METTL3: variants seen among roughly 807,000 people sequenced by gnomAD.
The protein encoded by METTL3 is methyltransferase 3, N6-adenosine-methyltransferase complex catalytic subunit, also known as N(6)-adenosine-methyltransferase catalytic subunit METTL3.
Under a neutral mutation model 64.3 loss-of-function variants are expected in METTL3, and 42 were observed. That is an observed-to-expected ratio of 0.65 (90% confidence interval 0.51 to 0.84). The LOEUF is 0.84. METTL3 is among the 40% of genes least tolerant of loss of function. METTL3 has a pLI of 0.00. For missense variants in METTL3, 435 were observed against 722.3 expected, an observed-to-expected ratio of 0.60 and a Z score of 4.56; for synonymous variants, 256 against 263.6, an observed-to-expected ratio of 0.97 and a Z score of 0.28.
In METTL3 at chr14:21,501,009, C is replaced by T. The variant is rs778953417; in HGVS notation, c.1020G>A (p.Glu340=). 13 of 1,614,104 alleles carry T rather than the reference C, an allele frequency of 8.1e-6. No homozygotes were observed. Among genetic ancestry groups the T allele is most frequent in the Non-Finnish European group, 1.1e-5 (13 of 1,180,014 alleles). ...GCGTGTGGTCTTTGCTGCCAGGGGC[C>T]TCAGAATCCATGCAAGCATCAATTT... ...HYEIDACMDS[E]APGSKDHTPS... The change falls in exon 5 of 11, where the codon GAG becomes GAA. Residue 340 remains glutamate, a synonymous_variant. Coordinates refer to ENST00000298717, the MANE Select transcript of METTL3 (RefSeq NM_019852.5).
intron 5 of METTL3, 90 bp downstream of exon 5, chr14:21,500,823 C>T: frequency 7.0e-7 from 1 of 1,433,666 alleles, no homozygotes; most frequent in Admixed American, 2.1e-5. Context: ...GACAAGATTG[C>T]TGAATTATGC....
chr14:21,499,670 A>G (rs1389702692), intron 7 of METTL3, 70 bp from the exon 8 acceptor site: 30 of 1,581,370 alleles, frequency 1.9e-5, no homozygotes, highest in Non-Finnish European at 2.6e-5. Flanking sequence ...CCATTTATAG[A>G]AGCAAGGAAT....
chr14:21,511,241 G>C lies in METTL3; in HGVS notation c.-18C>G, dbSNP rs562394902. On this transcript the variant is annotated 5_prime_UTR_variant, in exon 1 of 11. Transcript: ENST00000298717. ...TCCGACATCCTAGTCTCCCAGCCCTGACACCTCTCGAATAAGGCGCGGCGG... is the reference window on the plus strand; with the variant it reads ...TCCGACATCCTAGTCTCCCAGCCCTCACACCTCTCGAATAAGGCGCGGCGG... The C allele has an allele frequency of 6.2e-7, 1 of 1,610,468 alleles. No individual in the cohort carries two copies. The highest frequency in any genetic ancestry group is 1.3e-5 in the African/African-American group (1 of 74,868).
At chr14:21,507,570 G>A (rs1891728807) in intron 1 of METTL3, 2 of 152,178 alleles carry the variant, frequency 1.3e-5, no homozygotes, top group African/African-American at 4.8e-5. Flanking sequence ...GGCTGAGGCA[G>A]GAGAATGGCG....
In METTL3 at chr14:21,511,203, A is replaced by G. The variant is rs753920277; in HGVS notation, c.21T>C (p.Ser7=). The part of the protein sequence containing the change: MSDTWS[S]IQAHKKQLDS... ...CCAGCTGCTTCTTGTGGGCCTGGAT[A>G]GAGCTCCACGTGTCCGACATCCTAG... Residue 7 remains serine, a synonymous_variant, in exon 1 of 11, where the codon TCT becomes TCC. Transcript: ENST00000298717. 4.2e-5 allele frequency: 68 copies of G among 1,613,780 alleles called. 1 individual carries two copies. The Middle Eastern group carries it at 1.8e-3, about 43-fold the overall frequency.
At chr14:21,500,235 G>A (rs1049597545) in intron 6 of METTL3, among the ~76,000 whole-genome samples, 8 of 151,924 alleles carry the variant, frequency 5.3e-5, no homozygotes, top group Admixed American at 6.6e-5. Context: ...CTGGTGGCAC[G>A]TGCCTGTAAT....
rs560864627 is a variant in METTL3, at chr14:21,503,812, G to A, written c.170C>T (p.Thr57Ile). 153 of 1,614,250 alleles carry A rather than the reference G, an allele frequency of 9.5e-5. 1 individual carries two copies. The South Asian group carries it at 1.6e-3, about 16-fold the overall frequency. The change falls in exon 2 of 11, where the codon ACC (threonine) becomes ATC (isoleucine). Residue 57 changes from threonine to isoleucine, a missense_variant. Thr to Ile is a moderately conservative substitution (Grantham distance 89, BLOSUM62 -1). Transcript: ENST00000298717. ...TGTGCTGGGCTTAGGGCCACCAGAGGTGGGTGCAGTAGGCACTGGGCTGTC... is the reference window on the plus strand; with the variant it reads ...TGTGCTGGGCTTAGGGCCACCAGAGATGGGTGCAGTAGGCACTGGGCTGTC... Reference protein sequence around the residue: ...RSDSPVPTAPTSGGPKPSTAS... With the variant: ...RSDSPVPTAPISGGPKPSTAS...
chr14:21,499,180 G>C, intron 9 of METTL3, 43 bp from the exon 10 acceptor site: 1 of 1,581,978 alleles, frequency 6.3e-7, no homozygotes, highest in Non-Finnish European at 8.7e-7. Context: ...ACACAAGATT[G>C]CAATTCTAGC....
chr14:21,501,919 C>A lies in METTL3; in HGVS notation c.724-16G>T, dbSNP rs1370263394. 3.1e-6 allele frequency: 5 copies of A among 1,611,862 alleles called. No individual in the cohort carries two copies. In the East Asian group the frequency reaches 8.9e-5, roughly 29 times the overall value. The stretch of plus-strand genomic sequence containing the variant: ...CCTGACTGACCTGTGACAGAAGTAG[C>A]CTTGGACTTAAAATGTCTTATAGAT... On this transcript the variant is annotated splice_polypyrimidine_tract_variant and intron_variant, in intron 3 of 10. Coordinates refer to ENST00000298717, the MANE Select transcript of METTL3 (RefSeq NM_019852.5).
intron 1 of METTL3, among the ~76,000 whole-genome samples, chr14:21,505,237 TTTC>T (rs1197981274): frequency 6.6e-6 from 1 of 152,224 alleles, no homozygotes; most frequent in Non-Finnish European, 1.5e-5. Flanking sequence ...CTCTCACCCA[TTTC>T]TTCTTTCATT....
At chr14:21,508,502 T>C (rs1891752782) in intron 1 of METTL3, among the ~76,000 whole-genome samples, 2 of 152,212 alleles carry the variant, frequency 1.3e-5, no homozygotes, top group African/African-American at 4.8e-5. Context: ...AATACCAAAA[T>C]GTAGTTAATG....
chr14:21,508,316 C>G (rs910208757), intron 1 of METTL3: 1 of 151,452 alleles, frequency 6.6e-6, no homozygotes, highest in African/African-American at 2.4e-5. Context: ...GCTAAATATA[C>G]AAATCAAGAG....
intron 1 of METTL3, chr14:21,510,440 T>C (rs1043763722): frequency 6.6e-6 from 1 of 152,244 alleles, no homozygotes; most frequent in African/African-American, 2.4e-5. Flanking sequence ...TTGCCTTAAA[T>C]AATTCAGAGT....
At chr14:21,502,083 A>C (rs1017940263) in intron 3 of METTL3, among the ~76,000 whole-genome samples, 180 bp from the exon 4 acceptor site, 1 of 148,300 alleles carries the variant, frequency 6.7e-6, no homozygotes, top group Non-Finnish European at 1.5e-5. Context: ...TTGTGTAATC[A>C]TAACTCACTG....
chr14:21,500,450 T>A (rs1311470474), intron 6 of METTL3, 45 bp downstream of exon 6: 1 of 1,587,310 alleles, frequency 6.3e-7, no homozygotes. Context: ...CAGTATTCAC[T>A]CTTGTACTGT....
intron 4 of METTL3, 197 bp downstream of exon 4, chr14:21,501,531 C>A (rs370894745): frequency 1.7e-5 from 11 of 659,958 alleles, no homozygotes; most frequent in East Asian, 1.5e-4. Flanking sequence ...AAAAAAAAAT[C>A]TCAGTTATTT....
intron 4 of METTL3, 29 bp downstream of exon 4, chr14:21,501,699 C>G: frequency 4.3e-6 from 7 of 1,614,042 alleles, no homozygotes; most frequent in Non-Finnish European, 5.1e-6. Flanking sequence ...TCTGACAAAC[C>G]CATCCCACCT....
At chr14:21,501,592 T>TTC in intron 4 of METTL3, 136 bp downstream of exon 4, 1 of 1,077,296 alleles carries the variant, frequency 9.3e-7, no homozygotes. Flanking sequence ...AAAGTACACC[T>TTC]TCAGGGTCTG....
chr14:21,500,899 G>T lies in METTL3; in HGVS notation c.1116+14C>A. The T allele has an allele frequency of 6.2e-7, 1 of 1,609,152 alleles. No homozygotes were observed. Among genetic ancestry groups the T allele is most frequent in the South Asian group, 1.1e-5 (1 of 90,734 alleles). ...GTCCGTAAGTTGAGACGAGTTTTCTGAGCAGACAGGTACCTGAGGTGGGAA... is the reference window on the plus strand; with the variant it reads ...GTCCGTAAGTTGAGACGAGTTTTCTTAGCAGACAGGTACCTGAGGTGGGAA... On this transcript the variant is annotated intron_variant, in intron 5 of 10. Transcript: ENST00000298717.
Sources: allele counts gnomAD v4.1 joint callset (sites outside exome capture counted in the v4.1 genomes callset), GRCh38; gene constraint gnomAD v4.1.1; transcripts MANE v1.5; gene names NCBI Gene and HGNC (gene_info 2026-07-23, HGNC 2026-07-21).